Variants in KHDC1 observed in about 807,000 individuals in gnomAD.
The protein encoded by KHDC1 is KH homology domain-containing protein 1.
A neutral mutation model predicts 24.7 loss-of-function variants in KHDC1; 21 were observed. That is an observed-to-expected ratio of 0.85 (90% CI 0.60 to 1.23). The LOEUF is 1.23. Among genes scored for constraint, KHDC1 ranks in the 50% most tolerant of loss-of-function variants. The probability of loss-of-function intolerance (pLI) is 0.00; values close to 1 mark genes in which losing one functional copy is unlikely to be tolerated. For synonymous variants in KHDC1, 98 were observed against 111.7 expected (o/e 0.88, Z 0.77); for missense variants, 274 against 298.5 (o/e 0.92, Z 0.61).
chr6:73,286,374 A>G (rs1405619095), intron 2 of KHDC1, among the ~76,000 whole-genome samples: 1 of 152,194 alleles, frequency 6.6e-6, no homozygotes, highest in Non-Finnish European at 1.5e-5. Context: ...CTTGAAATAT[A>G]TGAAAATTCA....
intron 2 of KHDC1, among the ~76,000 whole-genome samples, chr6:73,290,123 A>AG (rs1336815885): frequency 2.7e-5 from 4 of 149,824 alleles, no homozygotes; most frequent in Non-Finnish European, 5.9e-5. Flanking sequence ...AAAAAAAAAA[A>AG]AAAATTAGCC....
At chr6:73,263,174 G>T in intron 2 of KHDC1, 4 of 987,024 alleles carry the variant, frequency 4.1e-6, no homozygotes, top group Non-Finnish European at 4.8e-6. Flanking sequence ...CCGCGGCCGC[G>T]CGAGGCGCGC....
In KHDC1 at chr6:73,283,398, T is replaced by A. The variant is rs140555322; in HGVS notation, c.206+8600A>T. On this transcript the variant is annotated intron_variant, in intron 2 of 4. Transcript: ENST00000370384. The stretch of plus-strand genomic sequence containing the variant: ...TTTTGTTTCTTATTCCATTGGCTTT[T>A]GCTTTAATCTTTTATTTCCTTAGGT... 1.4e-3 allele frequency among the ~76,000 whole-genome samples: 217 copies of A among 152,196 alleles called. 1 individual carries two copies. Among genetic ancestry groups the A allele is most frequent in the African/African-American group, 5.1e-3 (211 of 41,536 alleles).
At chr6:73,247,683 C>T (rs1247122384) in intron 2 of KHDC1, among the ~76,000 whole-genome samples, 1 of 151,862 alleles carries the variant, frequency 6.6e-6, no homozygotes, top group African/African-American at 2.4e-5. Flanking sequence ...ATGGTGAAAC[C>T]CCGTCTCTAC....
chr6:73,292,674 GC>G, intron 1 of KHDC1: 1 of 750,988 alleles, frequency 1.3e-6, no homozygotes, highest in African/African-American at 1.7e-5. Flanking sequence ...TCCTTTACCA[GC>G]CACAGCATCT....
chr6:73,290,745 A>G (rs1767634316), intron 2 of KHDC1: 3 of 358,146 alleles, frequency 8.4e-6, no homozygotes, highest in South Asian at 7.1e-5. Flanking sequence ...ACCAGATCCA[A>G]TCATCTTCTG....
At chr6:73,273,514 A>G (rs1041886789) in intron 2 of KHDC1, among the ~76,000 whole-genome samples, 1 of 152,166 alleles carries the variant, frequency 6.6e-6, no homozygotes, top group Non-Finnish European at 1.5e-5. Context: ...ATTTTAAAAT[A>G]ATAGTAATAA....
intron 2 of KHDC1, among the ~76,000 whole-genome samples, chr6:73,272,251 C>T (rs926422804): frequency 6.6e-6 from 1 of 151,558 alleles, no homozygotes; most frequent in Non-Finnish European, 1.5e-5. Flanking sequence ...GCAATCTCTG[C>T]CTCCCAGGTT....
At position 73,307,583 on chromosome 6, in the gene KHDC1, G is replaced by T. The variant is rs1210296178; in HGVS notation, c.163+1969C>A. On this transcript the variant is annotated intron_variant, in intron 1 of 4. Transcript: ENST00000370384. ...CATCTTTCATGGCACAAACAGAACTGGGGTCTTGGCCTCTTGATCCCCAGG... is the reference window on the plus strand; with the variant it reads ...CATCTTTCATGGCACAAACAGAACTTGGGTCTTGGCCTCTTGATCCCCAGG... 2.0e-5 allele frequency among the ~76,000 whole-genome samples: 3 copies of T among 152,246 alleles called. No individual in the cohort carries two copies. The East Asian group carries it at 5.8e-4, about 29-fold the overall frequency.
intron 1 of KHDC1, chr6:73,309,435 C>T: frequency 9.4e-7 from 1 of 1,058,636 alleles, no homozygotes; most frequent in Non-Finnish European, 1.3e-6. Context: ...CAGAACTGTC[C>T]TAGGCCTTCA....
At chr6:73,253,360 C>T (rs578122220) in intron 2 of KHDC1, among the ~76,000 whole-genome samples, 130 of 150,418 alleles carry the variant, frequency 8.6e-4, no homozygotes, top group African/African-American at 2.9e-3. Context: ...TCAACCATCC[C>T]GGCTAATATG....
rs555907373 is a variant in KHDC1, at chr6:73,309,888, C to T, written c.-174G>A. The T allele has an allele frequency of 5.3e-5, 36 of 683,088 alleles. No homozygotes were observed. In the African/African-American group the frequency reaches 6.4e-4, roughly 12 times the overall value. 42.3% of individuals were successfully genotyped at this position (683,088 alleles called of 1,614,324 possible). ...GGGGTCAACCCAGACTGGACCAATG[C>T]ACAGTCTAGGTGGATTAACGCGCCA... On this transcript the variant is annotated 5_prime_UTR_variant, in exon 1 of 5. Coordinates refer to ENST00000370384, the Ensembl canonical transcript of KHDC1.
intron 2 of KHDC1, among the ~76,000 whole-genome samples, chr6:73,278,432 C>T (rs995012018): frequency 6.6e-6 from 1 of 152,148 alleles, no homozygotes; most frequent in African/African-American, 2.4e-5. Context: ...CTACATTGCC[C>T]AGGCTGGTCT....
At chr6:73,267,792 A>G (rs1767099999) in intron 2 of KHDC1, among the ~76,000 whole-genome samples, 4 of 152,144 alleles carry the variant, frequency 2.6e-5, no homozygotes, top group Admixed American at 6.5e-5. Flanking sequence ...GAGCAGATGA[A>G]TGGATAAACA....
chr6:73,261,837 G>A (rs146570010), intron 2 of KHDC1, among the ~76,000 whole-genome samples: 1,906 of 151,686 alleles, frequency 0.013, 32 homozygotes, highest in African/African-American at 0.042. Flanking sequence ...ACTTGAACCC[G>A]GGAGATAGAG....
intron 1 of KHDC1, among the ~76,000 whole-genome samples, chr6:73,295,439 C>T (rs773773272): frequency 5.3e-5 from 8 of 152,146 alleles, no homozygotes; most frequent in Non-Finnish European, 1.0e-4. Flanking sequence ...CAGTGGCTCA[C>T]GCCTGTAATC....
chr6:73,249,462 G>A (rs951326048), intron 2 of KHDC1, among the ~76,000 whole-genome samples: 1 of 152,202 alleles, frequency 6.6e-6, no homozygotes, highest in African/African-American at 2.4e-5. Flanking sequence ...TACAGAGTCA[G>A]AGATAGTGTG....
At chr6:73,292,291 T>C (rs1281029224) in intron 1 of KHDC1, 2 of 1,174,060 alleles carry the variant, frequency 1.7e-6, no homozygotes, top group Non-Finnish European at 1.3e-6. Context: ...CCAGGGATGG[T>C]AGGATGCTCT....
rs1767018429 is a variant in KHDC1, at chr6:73,263,212, G to A, written c.207-20682C>T. 4.1e-6 allele frequency: 4 copies of A among 987,008 alleles called. No homozygotes were observed. In the South Asian group the frequency reaches 1.8e-4, roughly 45 times the overall value. The allele number at this position is 987,008 out of a possible 1,614,324, so 61.1% of individuals were successfully genotyped here. On this transcript the variant is annotated intron_variant, in intron 2 of 4. Coordinates refer to ENST00000370384, the Ensembl canonical transcript of KHDC1. ...GAGCGGAAGTGGCGGCGACCCCGCC[G>A]GAAGCGCGCGGCTGCGGCGCGGGAA...
Sources: gnomAD v4.1 joint callset for allele counts (sites outside exome capture counted in the v4.1 genomes callset) on GRCh38, gnomAD v4.1.1 for gene constraint, MANE v1.5 for transcripts, NCBI Gene and HGNC (gene_info 2026-07-23, HGNC 2026-07-21) for gene names.